The following C12orf42 variants were observed in gnomAD, a reference collection of about 807,000 sequenced individuals.
The protein encoded by C12orf42 is uncharacterized protein C12orf42.
Under a neutral mutation model 21.6 loss-of-function variants are expected in C12orf42, and 25 were observed. The ratio of observed to expected loss-of-function variants is 1.16; its 90% CI spans 0.84 to 1.62. The LOEUF is 1.62. Ranked by LOEUF, C12orf42 falls within the 40% of genes most tolerant of loss-of-function variation. The pLI, the probability that C12orf42 is intolerant of heterozygous loss-of-function variation, is 0.00. For synonymous variants in C12orf42, 174 were observed against 175.0 expected (o/e 0.99, Z 0.05); for missense variants, 483 against 459.3 (o/e 1.05, Z -0.47).
intron 2 of C12orf42, among the ~76,000 whole-genome samples, chr12:103,406,739 C>T (rs1030229072): frequency 2.6e-5 from 4 of 152,130 alleles, no homozygotes; most frequent in Non-Finnish European, 4.4e-5. Context: ...ACCAGGGGAG[C>T]TCCTCTCCCA....
At chr12:103,263,162 C>T (rs187998653) in intron 10 of C12orf42, 3 of 151,738 alleles carry the variant, frequency 2.0e-5, no homozygotes, top group African/African-American at 7.2e-5. Flanking sequence ...GGTGTGGGGG[C>T]CTGGGGGAGG....
chr12:103,532,608 G>C, the C12orf42 span, among the ~76,000 whole-genome samples: 1 of 152,010 alleles, frequency 6.6e-6, no homozygotes, highest in Non-Finnish European at 1.5e-5. Flanking sequence ...AATTTAATAA[G>C]AAAGAAAAAT....
At position 103,466,470 on chromosome 12, in the gene C12orf42, G is replaced by C. The variant is rs115439542; in HGVS notation, c.78+11879C>G. Reference sequence around the variant, plus strand: ...AACACTTTCCCTTAAGTATGAGCTAGAAGTAATATCTCACTTCTAATGAAT... The same window carrying C: ...AACACTTTCCCTTAAGTATGAGCTACAAGTAATATCTCACTTCTAATGAAT... On this transcript the variant is annotated intron_variant, in intron 2 of 5. Transcript: ENST00000548883. Among the ~76,000 whole-genome samples the C allele has an allele frequency of 3.5e-3, 537 of 152,198 alleles. 6 individuals are homozygous for C. The highest frequency in any genetic ancestry group is 0.012 in the African/African-American group (502 of 41,514).
chr12:103,415,596 C>T (rs2049245142), intron 2 of C12orf42, among the ~76,000 whole-genome samples: 1 of 152,096 alleles, frequency 6.6e-6, no homozygotes, highest in Non-Finnish European at 1.5e-5. Flanking sequence ...GATCACAGTG[C>T]AATGAAAATA....
the C12orf42 span, among the ~76,000 whole-genome samples, chr12:103,516,270 T>G: frequency 2.0e-5 from 3 of 152,248 alleles, no homozygotes; most frequent in African/African-American, 7.2e-5. Context: ...AATTTTCATT[T>G]TGTTTCTATA....
the C12orf42 span, among the ~76,000 whole-genome samples, chr12:103,079,107 T>A: frequency 2.0e-5 from 3 of 152,192 alleles, no homozygotes; most frequent in Non-Finnish European, 4.4e-5. Context: ...ACATCTTCCA[T>A]GACAGCCAGA....
At chr12:103,553,182 C>T in the C12orf42 span, among the ~76,000 whole-genome samples, 1 of 152,148 alleles carries the variant, frequency 6.6e-6, no homozygotes, top group Non-Finnish European at 1.5e-5. Context: ...CGGTAGCATT[C>T]CTCCTCTCAG....
intron 10 of C12orf42, among the ~76,000 whole-genome samples, chr12:103,241,571 A>G (rs1221558810): frequency 6.6e-6 from 1 of 152,198 alleles, no homozygotes; most frequent in East Asian, 1.9e-4. Flanking sequence ...TCTTAAGTGC[A>G]ATGTGACCAT....
At chr12:103,491,722 T>G (rs1396693063) in intron 1 of C12orf42, among the ~76,000 whole-genome samples, 4 of 152,224 alleles carry the variant, frequency 2.6e-5, no homozygotes, top group African/African-American at 9.6e-5. Context: ...TCAATTTGAT[T>G]GGAGAGAATG....
At chr12:103,057,156 C>T in the C12orf42 span, among the ~76,000 whole-genome samples, 1 of 150,610 alleles carries the variant, frequency 6.6e-6, no homozygotes, top group Admixed American at 6.6e-5. Context: ...ACTGTGCTGA[C>T]AAGGGAAGGG....
At chr12:103,269,450 C>T (rs1209695801) in intron 6 of C12orf42, among the ~76,000 whole-genome samples, 1 of 152,086 alleles carries the variant, frequency 6.6e-6, no homozygotes, top group African/African-American at 2.4e-5. Flanking sequence ...AAAAGAATAA[C>T]AACAGTCATG....
chr12:103,332,570 G>T (rs775448118), intron 4 of C12orf42, among the ~76,000 whole-genome samples: 1 of 152,176 alleles, frequency 6.6e-6, no homozygotes, highest in Non-Finnish European at 1.5e-5. Flanking sequence ...AAATATTTTG[G>T]TTATGAGCTT....
chr12:103,050,576 G>C, the C12orf42 span, among the ~76,000 whole-genome samples: 58 of 152,070 alleles, frequency 3.8e-4, no homozygotes, highest in South Asian at 2.5e-3. Flanking sequence ...ATCCTATACA[G>C]AGTAGCCATA....
intron 2 of C12orf42, among the ~76,000 whole-genome samples, chr12:103,458,360 C>A (rs983521032): frequency 6.6e-6 from 1 of 152,008 alleles, no homozygotes; most frequent in Non-Finnish European, 1.5e-5. Context: ...CAAGAATTCT[C>A]TGCAAGACTG....
intron 2 of C12orf42, among the ~76,000 whole-genome samples, chr12:103,422,093 A>G (rs2049967012): frequency 6.6e-6 from 1 of 152,246 alleles, no homozygotes; most frequent in Non-Finnish European, 1.5e-5. Flanking sequence ...TTGCTCAGAA[A>G]AGCAACAATG....
chr12:103,213,865 T>A, the C12orf42 span, among the ~76,000 whole-genome samples: 1 of 152,184 alleles, frequency 6.6e-6, no homozygotes, highest in Non-Finnish European at 1.5e-5. Flanking sequence ...TTGGACTGAG[T>A]CTGGGGTTTT....
the C12orf42 span, among the ~76,000 whole-genome samples, chr12:103,123,364 G>A: frequency 6.6e-6 from 1 of 152,122 alleles, no homozygotes; most frequent in Non-Finnish European, 1.5e-5. Context: ...TTTAGGAGAT[G>A]GCAGGAACTC....
chr12:103,323,237 G>A (rs1019650099), intron 4 of C12orf42, among the ~76,000 whole-genome samples: 22 of 152,192 alleles, frequency 1.4e-4, no homozygotes, highest in African/African-American at 4.3e-4. Context: ...CTCCTGAAGC[G>A]GATTTCTACA....
chr12:103,511,322 TA>T, the C12orf42 span, among the ~76,000 whole-genome samples: 1 of 150,964 alleles, frequency 6.6e-6, no homozygotes, highest in Non-Finnish European at 1.5e-5. Context: ...ACAAATCATA[TA>T]TTTTTTATAT....
Sources: gnomAD v4.1 joint callset for allele counts (sites outside exome capture counted in the v4.1 genomes callset) on GRCh38, gnomAD v4.1.1 for gene constraint, MANE v1.5 for transcripts, NCBI Gene and HGNC (gene_info 2026-07-23, HGNC 2026-07-21) for gene names.